SLC25A13: variants seen among roughly 807,000 people sequenced by gnomAD.
SLC25A13 encodes the protein electrogenic aspartate/glutamate antiporter SLC25A13, mitochondrial.
A neutral mutation model predicts 85.5 loss-of-function variants in SLC25A13; 70 were observed. The ratio of observed to expected loss-of-function variants is 0.82; its 90% CI spans 0.68 to 1.00. The LOEUF (loss-of-function observed/expected upper bound fraction) is 1.00. Among genes scored for constraint, SLC25A13 ranks in the 50% least tolerant of loss-of-function variants. The pLI is 0.00. For synonymous variants in SLC25A13, 259 were observed against 288.7 expected (o/e 0.90, Z 1.04); for missense variants, 765 against 819.8 (o/e 0.93, Z 0.82).
chr7:96,122,713 G>A (rs545991049), intron 15 of SLC25A13, among the ~76,000 whole-genome samples: 1 of 152,182 alleles, frequency 6.6e-6, no homozygotes, highest in South Asian at 2.1e-4. Context: ...GATAATCAAT[G>A]AAAAAGGAAC....
At chr7:96,261,259 A>AT (rs1441031447) in intron 3 of SLC25A13, among the ~76,000 whole-genome samples, 2 of 152,158 alleles carry the variant, frequency 1.3e-5, no homozygotes, top group Non-Finnish European at 2.9e-5. Context: ...TCATCTATAT[A>AT]TATCTTTTGT....
At chr7:96,288,657 G>A (rs1798989756) in intron 2 of SLC25A13, among the ~76,000 whole-genome samples, 1 of 152,204 alleles carries the variant, frequency 6.6e-6, no homozygotes, top group Non-Finnish European at 1.5e-5. Flanking sequence ...CACGCCCACG[G>A]AGCCTCGCTC....
intron 17 of SLC25A13, 63 bp from the exon 18 acceptor site, chr7:96,121,440 A>C (rs1791500531): frequency 6.4e-7 from 1 of 1,565,440 alleles, no homozygotes; most frequent in African/African-American, 1.4e-5. Context: ...TGATAAAAAT[A>C]ACATTCAAAA....
At chr7:96,161,378 C>T (rs1406700653) in intron 13 of SLC25A13, among the ~76,000 whole-genome samples, 1 of 152,118 alleles carries the variant, frequency 6.6e-6, no homozygotes, top group Non-Finnish European at 1.5e-5. Context: ...GAGTTAATTC[C>T]TCTTTGCTGG....
chr7:96,177,112 A>G (rs1794251325), intron 11 of SLC25A13, among the ~76,000 whole-genome samples: 1 of 152,240 alleles, frequency 6.6e-6, no homozygotes, highest in African/African-American at 2.4e-5. Context: ...CTATCTTTTC[A>G]ATACATAGCC....
chr7:96,143,585 T>C (rs1211889824), intron 14 of SLC25A13, among the ~76,000 whole-genome samples: 1 of 152,240 alleles, frequency 6.6e-6, no homozygotes, highest in East Asian at 1.9e-4. Context: ...AGGGGGGCTT[T>C]ATTTACATTG....
chr7:96,207,260 T>C (rs1053959615), intron 5 of SLC25A13, among the ~76,000 whole-genome samples: 1 of 152,110 alleles, frequency 6.6e-6, no homozygotes, highest in East Asian at 1.9e-4. Flanking sequence ...ATTATATGAA[T>C]CATAATAATA....
chr7:96,222,561 T>C (rs1184644156), intron 4 of SLC25A13, among the ~76,000 whole-genome samples: 1 of 152,214 alleles, frequency 6.6e-6, no homozygotes, highest in African/African-American at 2.4e-5. Flanking sequence ...TTCTCCTGCC[T>C]CAGCCTCCTG....
intron 2 of SLC25A13, among the ~76,000 whole-genome samples, chr7:96,286,658 C>T (rs912709260): frequency 2.6e-5 from 4 of 152,172 alleles, no homozygotes; most frequent in Admixed American, 6.5e-5. Flanking sequence ...TACACTTACA[C>T]ACAGTTCTCA....
chr7:96,321,577 C>G (rs1387400430), intron 1 of SLC25A13, among the ~76,000 whole-genome samples: 1 of 152,138 alleles, frequency 6.6e-6, no homozygotes, highest in Non-Finnish European at 1.5e-5. Context: ...CAGGAGCGCG[C>G]TGGGAAGGTA....
intron 1 of SLC25A13, among the ~76,000 whole-genome samples, chr7:96,315,497 A>G (rs1217818638): frequency 6.6e-6 from 1 of 152,190 alleles, no homozygotes; most frequent in Non-Finnish European, 1.5e-5. Flanking sequence ...AATTTGGACC[A>G]ATAACAAATG....
chr7:96,321,885 C>T (rs1396631889), intron 1 of SLC25A13, 57 bp downstream of exon 1: 2 of 1,494,332 alleles, frequency 1.3e-6, no homozygotes, highest in African/African-American at 1.5e-5. Flanking sequence ...CCGAGCCTCT[C>T]GCACCCCCAG....
At chr7:96,270,761 C>A (rs1484700668) in intron 3 of SLC25A13, among the ~76,000 whole-genome samples, 2 of 152,156 alleles carry the variant, frequency 1.3e-5, no homozygotes, top group African/African-American at 4.8e-5. Context: ...AATAACACAA[C>A]AAAATTTATG....
chr7:96,261,259 A>G (rs1482247093), intron 3 of SLC25A13, among the ~76,000 whole-genome samples: 2 of 152,158 alleles, frequency 1.3e-5, no homozygotes, highest in African/African-American at 4.8e-5. Context: ...TCATCTATAT[A>G]TATCTTTTGT....
chr7:96,182,541 T>C (rs746637108), intron 11 of SLC25A13, among the ~76,000 whole-genome samples: 8 of 152,264 alleles, frequency 5.3e-5, no homozygotes, highest in Admixed American at 2.0e-4. Context: ...GACTTACTAC[T>C]CCTCTGAGAA....
At chr7:96,136,381 A>C (rs1460648553) in intron 14 of SLC25A13, among the ~76,000 whole-genome samples, 1 of 152,220 alleles carries the variant, frequency 6.6e-6, no homozygotes, top group Non-Finnish European at 1.5e-5. Context: ...AGGAAGCTTT[A>C]ATCAATTCTC....
intron 5 of SLC25A13, among the ~76,000 whole-genome samples, chr7:96,195,105 T>A (rs1795010266): frequency 6.6e-6 from 1 of 152,190 alleles, no homozygotes; most frequent in Non-Finnish European, 1.5e-5. Context: ...TCAAGTCTCA[T>A]TCCTTTCTGC....
intron 4 of SLC25A13, among the ~76,000 whole-genome samples, chr7:96,224,893 AAC>A (rs1204616399): frequency 2.0e-5 from 3 of 152,148 alleles, no homozygotes; most frequent in African/African-American, 7.2e-5. Context: ...CACAGTGAAG[AAC>A]AGTCAGCCAG....
At chr7:96,247,174 C>T (rs1797223803) in intron 3 of SLC25A13, among the ~76,000 whole-genome samples, 1 of 152,174 alleles carries the variant, frequency 6.6e-6, no homozygotes, top group African/African-American at 2.4e-5. Context: ...CTGGGTAACA[C>T]ATTTTCTCTC....
Sources: gnomAD v4.1 joint callset for allele counts (sites outside exome capture counted in the v4.1 genomes callset) on GRCh38, gnomAD v4.1.1 for gene constraint, MANE v1.5 for transcripts, NCBI Gene and HGNC (gene_info 2026-07-23, HGNC 2026-07-21) for gene names.